The following COG5 variants were observed in gnomAD, a reference collection of about 807,000 sequenced individuals.
COG5 encodes conserved oligomeric Golgi complex subunit 5.
A neutral mutation model predicts 110.4 loss-of-function variants in COG5; 86 were observed. That is an observed-to-expected ratio of 0.78 (90% confidence interval 0.65 to 0.93). The LOEUF (loss-of-function observed/expected upper bound fraction) is 0.93, where lower values mean the gene tolerates loss of function less well. Ranked by LOEUF, COG5 falls within the 40% of genes least tolerant of loss-of-function variation. The pLI, the probability that COG5 is intolerant of heterozygous loss-of-function variation, is 0.00. For synonymous variants in COG5, 360 were observed against 334.6 expected, an observed-to-expected ratio of 1.08 and a Z score of -0.83; for missense variants, 1,077 against 987.0, an observed-to-expected ratio of 1.09 and a Z score of -1.22.
Position 107,201,699 on chromosome 7 carries a change from A to C in COG5, c.*1817T>G, listed in dbSNP as rs1267866054. 5.5e-6 allele frequency: 2 copies of C among 365,592 alleles called. No homozygotes were observed. The highest frequency in any genetic ancestry group is 4.2e-5 in the African/African-American group (2 of 47,934). The allele number at this position is 365,592 out of a possible 1,614,324, so 22.6% of individuals were successfully genotyped here. ...TGTCTATCAGGTAATAATAGGCTTGAAAATTGATATCCTGTGGTGCTAAAG... is the reference window on the plus strand; with the variant it reads ...TGTCTATCAGGTAATAATAGGCTTGCAAATTGATATCCTGTGGTGCTAAAG... On this transcript the variant is annotated 3_prime_UTR_variant, in exon 22 of 22. Coordinates refer to ENST00000297135, the MANE Select transcript of COG5 (RefSeq NM_006348.5).
rs1272395257 is a variant in COG5, at chr7:107,412,595, T to C, written c.576A>G (p.Glu192=). 6.3e-7 allele frequency: 1 copy of C among 1,580,488 alleles called. No homozygotes were observed. The highest frequency in any genetic ancestry group is 1.3e-5 in the African/African-American group (1 of 74,258). ...TAAAAAGTAGATCATTTTCTATCAC[T>C]TCTATTCCAGAAAGATCTATTCCTT... ...LSQGIDLSGI[E]VIENDLLFIA... Residue 192 remains glutamate, a synonymous_variant, in exon 7 of 22, where the codon GAA becomes GAG. Coordinates refer to ENST00000297135, the MANE Select transcript of COG5 (RefSeq NM_006348.5).
chr7:107,255,780 T>C (rs1050042951), intron 16 of COG5, among the ~76,000 whole-genome samples: 1 of 152,096 alleles, frequency 6.6e-6, no homozygotes, highest in Non-Finnish European at 1.5e-5. Context: ...ATAGCTGAGA[T>C]AGGATTCATA....
intron 3 of COG5, among the ~76,000 whole-genome samples, chr7:107,550,083 A>G (rs967018405): frequency 1.3e-5 from 2 of 152,002 alleles, no homozygotes; most frequent in African/African-American, 4.8e-5. Flanking sequence ...CCCCCAACCT[A>G]TCAAAAATCA....
intron 10 of COG5, among the ~76,000 whole-genome samples, chr7:107,355,650 T>TA (rs991148597): frequency 1.2e-4 from 18 of 152,354 alleles, no homozygotes; most frequent in African/African-American, 4.1e-4. Context: ...CGCATATTGC[T>TA]AAGTGGAAGA....
Position 107,372,686 on chromosome 7 carries a change from A to G in COG5, c.744T>C (p.Val248=). ...CTAAAGTAGCACAATATCCATCCAC[A>G]ACACTGGTAATAGTATCCTTCAAAG... The part of the protein sequence containing the change: ...LGTLKDTITS[V]VDGYCATLEE... Residue 248 remains valine, a synonymous_variant, in exon 8 of 22, where the codon GTT becomes GTC. Coordinates refer to ENST00000297135, the MANE Select transcript of COG5 (RefSeq NM_006348.5). 1.9e-6 allele frequency: 3 copies of G among 1,613,614 alleles called. No homozygotes were observed. Among genetic ancestry groups the G allele is most frequent in the Non-Finnish European group, 2.5e-6 (3 of 1,179,690 alleles).
At chr7:107,305,137 G>A (rs1287374059) in intron 11 of COG5, among the ~76,000 whole-genome samples, 6 of 152,192 alleles carry the variant, frequency 3.9e-5, no homozygotes, top group Non-Finnish European at 8.8e-5. Flanking sequence ...TGCTCCATCT[G>A]GATATTCAGG....
At chr7:107,492,786 C>T (rs1004101344) in intron 6 of COG5, among the ~76,000 whole-genome samples, 3 of 152,260 alleles carry the variant, frequency 2.0e-5, no homozygotes, top group Admixed American at 6.5e-5. Flanking sequence ...ATAATTTAAA[C>T]GTACCTGCCA....
In COG5 at chr7:107,305,316, G is replaced by A. The variant is rs145308957; in HGVS notation, c.1109-6970C>T. 1.6e-3 allele frequency among the ~76,000 whole-genome samples: 243 copies of A among 152,274 alleles called. 1 individual carries two copies. The highest frequency in any genetic ancestry group is 5.5e-3 in the African/African-American group (228 of 41,560). On this transcript the variant is annotated intron_variant, in intron 11 of 21. Coordinates refer to ENST00000297135, the MANE Select transcript of COG5 (RefSeq NM_006348.5). ...TAAGTGCCGCCTTTGTGAGCAGGCT[G>A]CTACCCATTTCTTGCTCATTCCTTT...
intron 6 of COG5, among the ~76,000 whole-genome samples, chr7:107,496,615 G>A (rs1798287359): frequency 6.7e-6 from 1 of 148,734 alleles, no homozygotes; most frequent in Non-Finnish European, 1.5e-5. Context: ...AACCAAGATC[G>A]TGTAACTGAA....
chr7:107,341,847 GATCCCTACCTTTT>G (rs1177153891), intron 10 of COG5, among the ~76,000 whole-genome samples: 1 of 152,134 alleles, frequency 6.6e-6, no homozygotes, highest in East Asian at 1.9e-4. Flanking sequence ...AATAAAACTG[GATCCCTACCTTTT>G]ATTATATGCA....
chr7:107,484,530 T>C (rs533647209), intron 6 of COG5, among the ~76,000 whole-genome samples: 1 of 152,306 alleles, frequency 6.6e-6, no homozygotes, highest in East Asian at 1.9e-4. Flanking sequence ...CAGAGAGCAG[T>C]GACTCTCATG....
In COG5 at chr7:107,362,127, G is replaced by T; in HGVS notation, c.949-17C>A. ...ATGTTGTACCTTAAATGAAACAAAT[G>T]TAAAGCTTAGGCAATAGAAAAAGCA... On this transcript the variant is annotated splice_polypyrimidine_tract_variant and intron_variant, in intron 9 of 21. Coordinates refer to ENST00000297135, the MANE Select transcript of COG5 (RefSeq NM_006348.5). 1 of 1,579,160 alleles carries T rather than the reference G, an allele frequency of 6.3e-7. No individual in the cohort carries two copies. Among genetic ancestry groups the T allele is most frequent in the Non-Finnish European group, 8.7e-7 (1 of 1,151,618 alleles).
At chr7:107,546,711 T>C (rs183302867) in intron 5 of COG5, among the ~76,000 whole-genome samples, 1 of 152,090 alleles carries the variant, frequency 6.6e-6, no homozygotes, top group East Asian at 1.9e-4. Flanking sequence ...CAACTGATAT[T>C]ACAAAAATAT....
chr7:107,343,012 A>G (rs1811300496), intron 10 of COG5, among the ~76,000 whole-genome samples: 2 of 152,234 alleles, frequency 1.3e-5, no homozygotes, highest in Admixed American at 1.3e-4. Flanking sequence ...TGTGGCATGT[A>G]AACACCATGG....
chr7:107,513,745 G>T (rs1471463548), intron 6 of COG5, among the ~76,000 whole-genome samples: 1 of 152,206 alleles, frequency 6.6e-6, no homozygotes, highest in Admixed American at 6.5e-5. Flanking sequence ...CATGTCCTTT[G>T]TAGGGACATG....
intron 12 of COG5, among the ~76,000 whole-genome samples, chr7:107,293,432 C>G (rs536666765): frequency 6.6e-6 from 1 of 152,332 alleles, no homozygotes; most frequent in East Asian, 1.9e-4. Flanking sequence ...CTCCACTTCA[C>G]TAAGCTAAGG....
intron 5 of COG5, among the ~76,000 whole-genome samples, chr7:107,540,873 G>A (rs1054102156): frequency 3.9e-5 from 6 of 151,916 alleles, no homozygotes; most frequent in Admixed American, 6.6e-5. Flanking sequence ...TTTATAGGCC[G>A]GGCACGGTGG....
At chr7:107,404,885 G>GAAAAA (rs59988899) in intron 7 of COG5, among the ~76,000 whole-genome samples, 23 of 32,396 alleles carry the variant, frequency 7.1e-4, no homozygotes, top group African/African-American at 1.5e-3. Flanking sequence ...TTCAGAAGAT[G>GAAAAA]AAAAAAAAAA....
chr7:107,549,797 G>A (rs1175772337), intron 3 of COG5, among the ~76,000 whole-genome samples: 2 of 151,940 alleles, frequency 1.3e-5, no homozygotes, highest in African/African-American at 4.8e-5. Flanking sequence ...ATGTGCTGGA[G>A]TACCCCAAGA....
Sources: gnomAD v4.1 joint callset for allele counts (sites outside exome capture counted in the v4.1 genomes callset) on GRCh38, gnomAD v4.1.1 for gene constraint, MANE v1.5 for transcripts, NCBI Gene and HGNC (gene_info 2026-07-23, HGNC 2026-07-21) for gene names.